CD86: variants seen among roughly 807,000 people sequenced by gnomAD.
CD86 encodes the protein CD86 molecule, also known as T-lymphocyte activation antigen CD86.
Under a neutral mutation model 32.1 loss-of-function variants are expected in CD86, and 11 were observed. The ratio of observed to expected loss-of-function variants is 0.34; its 90% confidence interval spans 0.22 to 0.57. CD86 has a LOEUF of 0.57. CD86 is among the 20% of genes least tolerant of loss of function. The pLI, the probability that CD86 is intolerant of heterozygous loss-of-function variation, is 0.86. For missense variants in CD86, 359 were observed against 398.4 expected, an observed-to-expected ratio of 0.90 and a Z score of 0.84; for synonymous variants, 137 against 135.3, an observed-to-expected ratio of 1.01 and a Z score of -0.09.
Position 122,119,872 on chromosome 3 carries a change from T to A in CD86, c.*338T>A, listed in dbSNP as rs919011059. ...AATTTCATAGATTGTGTTTTTTTTT[T>A]AAATAGACCTCTCAATTTCTGGAAA... On this transcript the variant is annotated 3_prime_UTR_variant, in exon 7 of 7. Transcript: ENST00000330540. 1.7e-5 allele frequency: 3 copies of A among 178,738 alleles called. No homozygotes were observed. Among genetic ancestry groups the A allele is most frequent in the Non-Finnish European group, 3.4e-5 (3 of 87,652 alleles). The allele number at this position is 178,738 out of a possible 1,614,324, so 11.1% of individuals were successfully genotyped here.
chr3:122,110,156 A>C (rs1214565982), intron 5 of CD86, among the ~76,000 whole-genome samples: 1 of 152,238 alleles, frequency 6.6e-6, no homozygotes, highest in Non-Finnish European at 1.5e-5. Flanking sequence ...CATAAATATC[A>C]TTCTACAGCA....
chr3:122,089,309 A>G (rs899040249), intron 1 of CD86, among the ~76,000 whole-genome samples: 3 of 152,244 alleles, frequency 2.0e-5, no homozygotes, highest in African/African-American at 7.2e-5. Flanking sequence ...AAAGGTGAAG[A>G]TGGCAAATTT....
chr3:122,066,023 G>A (rs1289801108), intron 1 of CD86, among the ~76,000 whole-genome samples: 2 of 152,054 alleles, frequency 1.3e-5, no homozygotes, highest in African/African-American at 4.8e-5. Flanking sequence ...ATGGTTGCAG[G>A]GGAAAAGTTA....
At chr3:122,119,063 C>G (rs2073301741) in intron 6 of CD86, among the ~76,000 whole-genome samples, 1 of 152,078 alleles carries the variant, frequency 6.6e-6, no homozygotes, top group Non-Finnish European at 1.5e-5. Flanking sequence ...CCAGATATAC[C>G]AGCCACTGTG....
intron 2 of CD86, 148 bp downstream of exon 2, chr3:122,091,798 GAGA>G (rs2072828051): frequency 3.0e-6 from 2 of 673,460 alleles, no homozygotes; most frequent in East Asian, 2.6e-5. Flanking sequence ...GACTTTCCTG[GAGA>G]AGAAGGAAGT....
chr3:122,071,746 T>A (rs920729513), intron 1 of CD86, among the ~76,000 whole-genome samples: 8 of 152,054 alleles, frequency 5.3e-5, no homozygotes, highest in African/African-American at 1.9e-4. Flanking sequence ...TTTATTATAC[T>A]TTAAGTTTTA....
chr3:122,103,900 C>G, intron 3 of CD86, 53 bp downstream of exon 3: 1 of 1,416,712 alleles, frequency 7.1e-7, no homozygotes, highest in African/African-American at 1.4e-5. Flanking sequence ...GATGAGACTG[C>G]AAATGAGTTA....
intron 1 of CD86, among the ~76,000 whole-genome samples, chr3:122,089,663 C>G (rs1003365739): frequency 6.6e-6 from 1 of 152,230 alleles, no homozygotes; most frequent in African/African-American, 2.4e-5. Context: ...TGCAACTATT[C>G]TTCAACCCTT....
intron 5 of CD86, among the ~76,000 whole-genome samples, chr3:122,111,220 G>A (rs1166683834): frequency 6.6e-6 from 1 of 152,208 alleles, no homozygotes; most frequent in Non-Finnish European, 1.5e-5. Context: ...TAGGGAGGGA[G>A]GTGCAACAGG....
At chr3:122,088,860 A>T (rs2072767908) in intron 1 of CD86, among the ~76,000 whole-genome samples, 1 of 152,256 alleles carries the variant, frequency 6.6e-6, no homozygotes, top group Admixed American at 6.5e-5. Context: ...GCAGAGTCTT[A>T]AAGAGATATT....
chr3:122,082,890 A>C (rs1318426313), intron 1 of CD86, among the ~76,000 whole-genome samples: 1 of 152,260 alleles, frequency 6.6e-6, no homozygotes, highest in Non-Finnish European at 1.5e-5. Context: ...TAAAAGTGAA[A>C]TAGTGAAACA....
chr3:122,088,926 T>G (rs1487468427), intron 1 of CD86, among the ~76,000 whole-genome samples: 1 of 152,156 alleles, frequency 6.6e-6, no homozygotes, highest in Admixed American at 6.5e-5. Context: ...TGGAAGCAAC[T>G]CAAATGTCCA....
At chr3:122,093,178 A>G (rs1265730112) in intron 2 of CD86, among the ~76,000 whole-genome samples, 1 of 151,892 alleles carries the variant, frequency 6.6e-6, no homozygotes, top group African/African-American at 2.4e-5. Context: ...ATTTTTTGAG[A>G]CAGCATCTTT....
At chr3:122,084,449 T>C (rs1264652451) in intron 1 of CD86, among the ~76,000 whole-genome samples, 2 of 152,224 alleles carry the variant, frequency 1.3e-5, no homozygotes, top group Non-Finnish European at 1.5e-5. Flanking sequence ...TAGATAATAA[T>C]TTACAATAGA....
At chr3:122,077,379 C>A (rs2072569154) in intron 1 of CD86, among the ~76,000 whole-genome samples, 1 of 152,192 alleles carries the variant, frequency 6.6e-6, no homozygotes, top group Admixed American at 6.5e-5. Flanking sequence ...ATTCTAGATT[C>A]ATACAATTGG....
At position 122,061,232 on chromosome 3, in the gene CD86, C is replaced by T. The variant is rs571650920; in HGVS notation, c.14+5729C>T. 2.0e-5 allele frequency among the ~76,000 whole-genome samples: 3 copies of T among 152,218 alleles called. No individual in the cohort carries two copies. In the South Asian group the frequency reaches 6.2e-4, roughly 32 times the overall value. On this transcript the variant is annotated intron_variant, in intron 1 of 6. Transcript: ENST00000330540. ...TCAAGGCCAACCTAGATTATCACCC[C>T]AATATTACAACTATTTTCAACCAAC...
chr3:122,106,017 G>A (rs953676568), intron 3 of CD86, among the ~76,000 whole-genome samples, 181 bp from the exon 4 acceptor site: 1 of 151,986 alleles, frequency 6.6e-6, no homozygotes, highest in African/African-American at 2.4e-5. Context: ...CTCTATTGTT[G>A]AAAAATAAAC....
chr3:122,112,743 T>C (rs1214353632), intron 5 of CD86, among the ~76,000 whole-genome samples: 3 of 152,228 alleles, frequency 2.0e-5, no homozygotes, highest in South Asian at 2.1e-4. Context: ...TATTTTGTCA[T>C]GGGTATAAAA....
At chr3:122,072,072 T>G (rs2072496675) in intron 1 of CD86, among the ~76,000 whole-genome samples, 1 of 151,620 alleles carries the variant, frequency 6.6e-6, no homozygotes, top group African/African-American at 2.4e-5. Context: ...TCATTTTTTA[T>G]GGCTGCATAG....
Sources: allele counts gnomAD v4.1 joint callset (sites outside exome capture counted in the v4.1 genomes callset), GRCh38; gene constraint gnomAD v4.1.1; transcripts MANE v1.5; gene names NCBI Gene and HGNC (gene_info 2026-07-23, HGNC 2026-07-21).